The following TASP1 variants were observed in gnomAD, a reference collection of about 807,000 sequenced individuals.
TASP1 encodes the protein threonine aspartase 1.
In TASP1, 16 loss-of-function variants were observed where a neutral mutation model predicts 56.6. That is an observed-to-expected ratio of 0.28 (90% CI 0.19 to 0.43). The LOEUF is 0.43. TASP1 is among the 20% of genes least tolerant of loss of function. The probability of loss-of-function intolerance (pLI) is 1.00; values close to 1 mark genes in which losing one functional copy is unlikely to be tolerated. For synonymous variants in TASP1, 179 were observed against 184.2 expected (o/e 0.97, Z 0.23); for missense variants, 393 against 511.6 (o/e 0.77, Z 2.24).
the TASP1 span, among the ~76,000 whole-genome samples, chr20:13,156,491 G>A: frequency 2.0e-5 from 3 of 152,150 alleles, no homozygotes; most frequent in Non-Finnish European, 4.4e-5. Context: ...CCTAGCTGGG[G>A]ATTCTTGGAC....
chr20:13,377,787 C>G, the TASP1 span, among the ~76,000 whole-genome samples: 3 of 152,086 alleles, frequency 2.0e-5, no homozygotes, highest in East Asian at 5.8e-4. Context: ...TGACTTCTTC[C>G]TGGTGTAGTC....
intron 13 of TASP1, among the ~76,000 whole-genome samples, chr20:13,398,677 A>G (rs1157855865): frequency 6.6e-6 from 1 of 152,216 alleles, no homozygotes; most frequent in Non-Finnish European, 1.5e-5. Flanking sequence ...CTCCCCAGCA[A>G]CTAAATGTTG....
chr20:13,585,116 T>A (rs2047255389), intron 5 of TASP1, among the ~76,000 whole-genome samples: 1 of 152,162 alleles, frequency 6.6e-6, no homozygotes, highest in East Asian at 1.9e-4. Context: ...GGAAAAGACT[T>A]CCTTTCAATA....
the TASP1 span, among the ~76,000 whole-genome samples, chr20:13,368,099 G>C: frequency 1.3e-5 from 2 of 152,144 alleles, no homozygotes; most frequent in African/African-American, 4.8e-5. Context: ...CCATGGTGTA[G>C]AGCTGCCTAT....
At chr20:13,235,978 G>A in the TASP1 span, among the ~76,000 whole-genome samples, 5 of 151,516 alleles carry the variant, frequency 3.3e-5, no homozygotes, top group Non-Finnish European at 7.4e-5. Context: ...AGGCTGGAGT[G>A]CAGTGATGCA....
In TASP1 at chr20:13,478,625, C is replaced by T. The variant is rs908819179; in HGVS notation, c.985+4602G>A. ...GAAATTACGTAATGGGTACAATGTA[C>T]ATTATTCAGGTGATGGTTACACTGA... On this transcript the variant is annotated intron_variant, in intron 11 of 13. Coordinates refer to ENST00000337743, the MANE Select transcript of TASP1 (RefSeq NM_017714.3). 2.0e-5 allele frequency among the ~76,000 whole-genome samples: 3 copies of T among 152,174 alleles called. No individual in the cohort carries two copies. In the South Asian group the frequency reaches 6.2e-4, roughly 32 times the overall value.
At chr20:13,224,630 T>C in the TASP1 span, among the ~76,000 whole-genome samples, 1 of 152,208 alleles carries the variant, frequency 6.6e-6, no homozygotes, top group Non-Finnish European at 1.5e-5. Context: ...TATAAGGTTG[T>C]CTTAGTCAGA....
At chr20:13,224,833 C>A in the TASP1 span, among the ~76,000 whole-genome samples, 2 of 142,018 alleles carry the variant, frequency 1.4e-5, no homozygotes, top group Admixed American at 1.4e-4. Flanking sequence ...CACATACTAG[C>A]TTTCTTTCTT....
intron 11 of TASP1, among the ~76,000 whole-genome samples, chr20:13,478,912 T>C (rs2043037331): frequency 6.6e-6 from 1 of 152,154 alleles, no homozygotes; most frequent in Non-Finnish European, 1.5e-5. Flanking sequence ...CAAATCTCTT[T>C]CAGTAGAGGA....
chr20:13,575,478 G>A (rs554956739), intron 6 of TASP1, among the ~76,000 whole-genome samples: 1 of 152,112 alleles, frequency 6.6e-6, no homozygotes, highest in African/African-American at 2.4e-5. Flanking sequence ...CTCTGCACAC[G>A]TTGTCTTGCC....
intron 4 of TASP1, among the ~76,000 whole-genome samples, chr20:13,612,361 C>T (rs1385812734): frequency 6.6e-6 from 1 of 152,006 alleles, no homozygotes; most frequent in Non-Finnish European, 1.5e-5. Flanking sequence ...TACCAGAAAA[C>T]TAATAAAATA....
At chr20:13,636,172 G>T (rs2049300511) in intron 1 of TASP1, among the ~76,000 whole-genome samples, 2 of 123,662 alleles carry the variant, frequency 1.6e-5, no homozygotes, top group Non-Finnish European at 1.6e-5. Flanking sequence ...TTGAGACAGA[G>T]TCTCACTCTG....
At chr20:13,585,816 A>AAT (rs2047281817) in intron 5 of TASP1, among the ~76,000 whole-genome samples, 1 of 152,218 alleles carries the variant, frequency 6.6e-6, no homozygotes. Flanking sequence ...ATTAAAACAA[A>AAT]ATATATATGC....
intron 2 of TASP1, among the ~76,000 whole-genome samples, chr20:13,626,578 G>GA (rs1308069208): frequency 1.3e-5 from 2 of 152,200 alleles, no homozygotes; most frequent in African/African-American, 4.8e-5. Context: ...ACTCACCCAC[G>GA]AAACTGTCGT....
the TASP1 span, among the ~76,000 whole-genome samples, chr20:13,318,484 C>T: frequency 5.9e-5 from 9 of 152,156 alleles, no homozygotes; most frequent in Admixed American, 2.6e-4. Flanking sequence ...TTGGTATTTA[C>T]CCAAAAAACT....
At chr20:13,260,899 A>G in the TASP1 span, among the ~76,000 whole-genome samples, 1 of 152,122 alleles carries the variant, frequency 6.6e-6, no homozygotes, top group Non-Finnish European at 1.5e-5. Flanking sequence ...CCAGGGCTGG[A>G]TGGTCTAGGA....
At chr20:13,305,886 C>T in the TASP1 span, among the ~76,000 whole-genome samples, 3 of 152,082 alleles carry the variant, frequency 2.0e-5, no homozygotes, top group Non-Finnish European at 4.4e-5. Flanking sequence ...CTAAAAAGAC[C>T]AGTGCCTTGC....
chr20:13,398,782 G>T (rs2041635750), intron 13 of TASP1, among the ~76,000 whole-genome samples: 1 of 152,088 alleles, frequency 6.6e-6, no homozygotes, highest in African/African-American at 2.4e-5. Context: ...TGAAGCAGCT[G>T]GTTGCACTGG....
chr20:13,613,250 T>A (rs2048410143), intron 4 of TASP1, among the ~76,000 whole-genome samples: 1 of 152,180 alleles, frequency 6.6e-6, no homozygotes, highest in African/African-American at 2.4e-5. Context: ...GGAAGTCACA[T>A]TATTTATTAT....
Sources: allele counts gnomAD v4.1 joint callset (sites outside exome capture counted in the v4.1 genomes callset), GRCh38; gene constraint gnomAD v4.1.1; transcripts MANE v1.5; gene names NCBI Gene and HGNC (gene_info 2026-07-23, HGNC 2026-07-21).